IL1RAPL1: variants seen among roughly 807,000 people sequenced by gnomAD.
IL1RAPL1 encodes interleukin 1 receptor accessory protein like 1, also known as interleukin-1 receptor accessory protein-like 1.
Under a neutral mutation model 48.4 loss-of-function variants are expected in IL1RAPL1, and 3 were observed. That is an observed-to-expected ratio of 0.06 (90% confidence interval 0.03 to 0.16). The LOEUF is 0.16. Among genes scored for constraint, IL1RAPL1 ranks in the 10% least tolerant of loss-of-function variants. The probability of loss-of-function intolerance (pLI) is 1.00; values close to 1 mark genes in which losing one functional copy is unlikely to be tolerated. For synonymous variants in IL1RAPL1, 185 were observed against 187.7 expected, an observed-to-expected ratio of 0.99 and a Z score of 0.12; for missense variants, 349 against 530.6, an observed-to-expected ratio of 0.66 and a Z score of 3.36.
chrX:29,068,249 A>G (rs1045295216), intron 2 of IL1RAPL1, among the ~76,000 whole-genome samples: 1 of 112,314 alleles, frequency 8.9e-6, no homozygotes, highest in African/African-American at 3.2e-5. Flanking sequence ...CTGAAGTGAG[A>G]TGAACTTTTA....
At chrX:29,771,265 C>T (rs773681284) in intron 6 of IL1RAPL1, among the ~76,000 whole-genome samples, 69 of 112,037 alleles carry the variant, frequency 6.2e-4, no homozygotes, top group Non-Finnish European at 9.4e-4. Context: ...TCAACAATGT[C>T]TCATATATTT....
intron 6 of IL1RAPL1, among the ~76,000 whole-genome samples, chrX:29,878,475 G>T (rs1404731693): frequency 9.0e-6 from 1 of 111,630 alleles, no homozygotes; most frequent in Non-Finnish European, 1.9e-5. Flanking sequence ...TTGAGACATT[G>T]CCATGAACAA....
intron 6 of IL1RAPL1, among the ~76,000 whole-genome samples, chrX:29,682,264 A>C (rs903560458): frequency 4.5e-5 from 5 of 111,102 alleles, no homozygotes; most frequent in African/African-American, 1.6e-4. Context: ...CACTTTCTTC[A>C]CAGTCTGACC....
At chrX:29,540,711 G>A (rs1399847327) in intron 5 of IL1RAPL1, among the ~76,000 whole-genome samples, 3 of 111,508 alleles carry the variant, frequency 2.7e-5, no homozygotes, top group Non-Finnish European at 5.7e-5. Context: ...ATGGTGCTGG[G>A]GTAATTGGCT....
intron 2 of IL1RAPL1, among the ~76,000 whole-genome samples, chrX:29,008,236 C>G (rs1569218251): frequency 9.1e-6 from 1 of 109,580 alleles, no homozygotes; most frequent in Non-Finnish European, 1.9e-5. Context: ...GTGGCGTGAT[C>G]TCGGCTCACT....
chrX:29,058,300 C>T (rs1039285192), intron 2 of IL1RAPL1, among the ~76,000 whole-genome samples: 4 of 110,532 alleles, frequency 3.6e-5, no homozygotes, highest in Admixed American at 2.9e-4. Context: ...TCACTTGAAC[C>T]CGGGAGGCGG....
chrX:29,670,694 C>T (rs895220749), intron 6 of IL1RAPL1, among the ~76,000 whole-genome samples: 1 of 111,892 alleles, frequency 8.9e-6, no homozygotes, highest in Non-Finnish European at 1.9e-5. Flanking sequence ...CTAAAATATA[C>T]GTTTTTTCCA....
intron 2 of IL1RAPL1, among the ~76,000 whole-genome samples, chrX:29,119,889 A>G (rs1304013517): frequency 1.8e-5 from 2 of 111,505 alleles, no homozygotes; most frequent in Non-Finnish European, 3.8e-5. Flanking sequence ...AGGAGAAACT[A>G]TTTTTCCAGA....
intron 6 of IL1RAPL1, among the ~76,000 whole-genome samples, chrX:29,757,397 A>C (rs1331639629): frequency 1.8e-5 from 2 of 111,838 alleles, no homozygotes; most frequent in African/African-American, 3.2e-5. Context: ...AAGAAATATA[A>C]TATGGAGCTA....
At chrX:28,993,357 C>T (rs1237556315) in intron 2 of IL1RAPL1, among the ~76,000 whole-genome samples, 5 of 111,349 alleles carry the variant, frequency 4.5e-5, no homozygotes, top group East Asian at 5.6e-4. Flanking sequence ...GCGCAATGAC[C>T]GGTGAAGGAG....
intron 1 of IL1RAPL1, among the ~76,000 whole-genome samples, chrX:28,762,037 T>TA (rs2147251424): frequency 8.9e-6 from 1 of 111,858 alleles, no homozygotes; most frequent in African/African-American, 3.2e-5. Context: ...CAGCTTAGCA[T>TA]AGCGCCTAAC....
chrX:29,123,766 C>T (rs1928845465), intron 2 of IL1RAPL1, among the ~76,000 whole-genome samples: 2 of 111,785 alleles, frequency 1.8e-5, no homozygotes, highest in Non-Finnish European at 3.8e-5. Flanking sequence ...GGCTGTTGAG[C>T]ACTTGAAGTG....
chrX:29,386,169 C>T (rs1480792558), intron 3 of IL1RAPL1, among the ~76,000 whole-genome samples: 1 of 111,208 alleles, frequency 9.0e-6, no homozygotes, highest in African/African-American at 3.3e-5. Context: ...GCTGGGATTA[C>T]AGGCGCCCAC....
intron 1 of IL1RAPL1, among the ~76,000 whole-genome samples, chrX:28,735,259 T>G (rs1477972885): frequency 2.7e-5 from 3 of 111,022 alleles, no homozygotes; most frequent in Non-Finnish European, 5.7e-5. Flanking sequence ...TCACATACTA[T>G]GCCTTCTGGT....
chrX:29,494,145 C>A (rs924062842), intron 5 of IL1RAPL1, among the ~76,000 whole-genome samples: 1 of 111,282 alleles, frequency 9.0e-6, no homozygotes, highest in Non-Finnish European at 1.9e-5. Context: ...TCATGATCTT[C>A]CCGCTTTGGC....
intron 6 of IL1RAPL1, among the ~76,000 whole-genome samples, chrX:29,731,857 T>C (rs1601799315): frequency 1.8e-5 from 2 of 112,079 alleles, no homozygotes. Context: ...TGAGCAAGTA[T>C]AGAAAAGAAC....
chrX:28,607,648 A>G (rs776788940), intron 1 of IL1RAPL1, among the ~76,000 whole-genome samples: 6 of 111,354 alleles, frequency 5.4e-5, no homozygotes, highest in African/African-American at 2.0e-4. Flanking sequence ...TTTAGAAAGA[A>G]TCACTTTTTT....
At chrX:29,770,458 A>T (rs1451376295) in intron 6 of IL1RAPL1, among the ~76,000 whole-genome samples, 1 of 101,226 alleles carries the variant, frequency 9.9e-6, no homozygotes, top group African/African-American at 3.6e-5. Context: ...TAAAGTATAA[A>T]CCTGTATAGT....
At chrX:28,604,740 AG>A (rs1266391212) in intron 1 of IL1RAPL1, among the ~76,000 whole-genome samples, 1 of 108,713 alleles carries the variant, frequency 9.2e-6, no homozygotes, top group Admixed American at 1.0e-4. Context: ...AAAAAAAAAA[AG>A]GTATTTGTTA....
Sources: allele counts gnomAD v4.1 joint callset (sites outside exome capture counted in the v4.1 genomes callset), GRCh38; gene constraint gnomAD v4.1.1; transcripts MANE v1.5; gene names NCBI Gene and HGNC (gene_info 2026-07-23, HGNC 2026-07-21).